TCF3: variants seen among roughly 807,000 people sequenced by gnomAD.
TCF3 encodes the protein transcription factor 3.
Under a neutral mutation model 72.3 loss-of-function variants are expected in TCF3, and 54 were observed. That is an observed-to-expected ratio of 0.75 (90% confidence interval 0.60 to 0.94). The LOEUF (loss-of-function observed/expected upper bound fraction) is 0.94. Among genes scored for constraint, TCF3 ranks in the 40% least tolerant of loss-of-function variants. The pLI, the probability that TCF3 is intolerant of heterozygous loss-of-function variation, is 0.00. For synonymous variants in TCF3, 525 were observed against 412.6 expected (o/e 1.27, Z -3.30); for missense variants, 1,078 against 934.4 (o/e 1.15, Z -2.00).
intron 3 of TCF3, among the ~76,000 whole-genome samples, chr19:1,643,223 G>A (rs1237418898): frequency 6.6e-6 from 1 of 151,978 alleles, no homozygotes; most frequent in East Asian, 1.9e-4. Context: ...TGCCTTTTTT[G>A]TTTCGTTTCT....
chr19:1,634,074 A>C (rs2145026902), intron 3 of TCF3, among the ~76,000 whole-genome samples: 1 of 152,302 alleles, frequency 6.6e-6, no homozygotes, highest in Non-Finnish European at 1.5e-5. Context: ...ATCGCCCCCG[A>C]AGTTCACTCC....
At chr19:1,613,849 T>C (rs551814522) in intron 18 of TCF3, among the ~76,000 whole-genome samples, 3 of 152,214 alleles carry the variant, frequency 2.0e-5, no homozygotes, top group Non-Finnish European at 2.9e-5. Flanking sequence ...AGGAACCCCA[T>C]TGTCACTGCC....
At chr19:1,629,800 T>A (rs889768182) in intron 5 of TCF3, among the ~76,000 whole-genome samples, 1 of 152,142 alleles carries the variant, frequency 6.6e-6, no homozygotes, top group Admixed American at 6.5e-5. Flanking sequence ...ATTTCCCGAT[T>A]TTTGAATTTT....
At chr19:1,624,168 C>G (rs1702252193) in intron 7 of TCF3, among the ~76,000 whole-genome samples, 168 bp from the exon 8 acceptor site, 1 of 152,202 alleles carries the variant, frequency 6.6e-6, no homozygotes, top group Admixed American at 6.5e-5. Context: ...GAGGCCAAGG[C>G]AGGCAGATCA....
chr19:1,618,794 G>A (rs1363041732), intron 16 of TCF3, among the ~76,000 whole-genome samples: 1 of 152,176 alleles, frequency 6.6e-6, no homozygotes, highest in African/African-American at 2.4e-5. Flanking sequence ...CGAGCTCCTG[G>A]TCTGTCTCCC....
At position 1,611,614 on chromosome 19, in the gene TCF3, T is replaced by C. The variant is rs921354157; in HGVS notation, c.*93A>G. The C allele has an allele frequency of 1.3e-6, 2 of 1,495,074 alleles. No individual in the cohort carries two copies. Among genetic ancestry groups the C allele is most frequent in the Non-Finnish European group, 1.8e-6 (2 of 1,109,946 alleles). 92.6% of individuals were successfully genotyped at this position (1,495,074 alleles called of 1,614,324 possible). A position where few individuals can be genotyped will look rare whatever the true frequency, so the allele number is the denominator to read the frequency against. Reference sequence around the variant, plus strand: ...ATGCTGACAACAGGTGTGTGAGGTGTGGATGTGGATGAAGCCCGGGGTCTC... The same window carrying C: ...ATGCTGACAACAGGTGTGTGAGGTGCGGATGTGGATGAAGCCCGGGGTCTC... On this transcript the variant is annotated 3_prime_UTR_variant, in exon 19 of 19. Coordinates refer to ENST00000262965, the MANE Select transcript of TCF3 (RefSeq NM_003200.5).
At chr19:1,618,406 C>A (rs973181452) in intron 16 of TCF3, among the ~76,000 whole-genome samples, 3 of 152,240 alleles carry the variant, frequency 2.0e-5, no homozygotes, top group South Asian at 2.1e-4. Flanking sequence ...TGGGTCAGGT[C>A]CCATCCCTCC....
At chr19:1,634,109 C>A (rs768270586) in intron 3 of TCF3, among the ~76,000 whole-genome samples, 1 of 152,234 alleles carries the variant, frequency 6.6e-6, no homozygotes, top group Non-Finnish European at 1.5e-5. Flanking sequence ...AGAGGCACTG[C>A]GGCCTCAATC....
chr19:1,632,195 C>G, intron 4 of TCF3, 79 bp from the exon 5 acceptor site: 1 of 1,562,068 alleles, frequency 6.4e-7, no homozygotes, highest in Non-Finnish European at 8.7e-7. Flanking sequence ...GCTGGAGAGG[C>G]AGGACTCAAA....
chr19:1,646,414 G>A lies in TCF3; in HGVS notation c.86C>T (p.Pro29Leu). 3 of 1,550,250 alleles carry A rather than the reference G, an allele frequency of 1.9e-6. No homozygotes were observed. Among genetic ancestry groups the A allele is most frequent in the Non-Finnish European group, 2.6e-6 (3 of 1,146,720 alleles). ...LLDFSMMFPL[P>L]VTNGKGRPAS... ...GGGCCGGCCCTTCCCGTTGGTGACA[G>A]GCAGCGGGAACATCTGCAGGGAGGG... The change falls in exon 3 of 19, where the codon CCT becomes CTT. Residue 29 changes from proline (P) to leucine (L), a missense_variant. Transcript: ENST00000262965.
At chr19:1,644,352 A>AC (rs2065761979) in intron 3 of TCF3, among the ~76,000 whole-genome samples, 1 of 151,330 alleles carries the variant, frequency 6.6e-6, no homozygotes, top group African/African-American at 2.4e-5. Flanking sequence ...ATCCTCCACC[A>AC]CCCCCGGGCT....
At chr19:1,651,264 C>A (rs1349705762) in intron 1 of TCF3, 2 of 226,862 alleles carry the variant, frequency 8.8e-6, no homozygotes, top group Admixed American at 5.7e-5. Flanking sequence ...GGGACGGGGG[C>A]AGCCCGGGAG....
chr19:1,619,740 C>A (rs1159334612), intron 14 of TCF3, 40 bp downstream of exon 14: 25 of 796,258 alleles, frequency 3.1e-5, no homozygotes, highest in Admixed American at 2.3e-4. Context: ...CCTGCAAATT[C>A]TGTCGGGGAA....
chr19:1,633,449 GC>G (rs1352736895), intron 3 of TCF3, among the ~76,000 whole-genome samples: 1 of 152,022 alleles, frequency 6.6e-6, no homozygotes, highest in Non-Finnish European at 1.5e-5. Context: ...TGTTCTGCAG[GC>G]TCCCCCGCCC....
At chr19:1,650,814 A>C in intron 1 of TCF3, 1 of 231,330 alleles carries the variant, frequency 4.3e-6, no homozygotes, top group Non-Finnish European at 8.5e-6. Context: ...AAGGAAATCC[A>C]CAAGTCAGAA....
chr19:1,649,266 G>A (rs1418213518), intron 2 of TCF3, among the ~76,000 whole-genome samples: 2 of 152,180 alleles, frequency 1.3e-5, no homozygotes, highest in African/African-American at 4.8e-5. Context: ...TCGGCTTCTG[G>A]CAGCTTAACT....
At chr19:1,630,834 C>T (rs943252817) in intron 5 of TCF3, among the ~76,000 whole-genome samples, 4 of 152,216 alleles carry the variant, frequency 2.6e-5, no homozygotes, top group Admixed American at 1.3e-4. Flanking sequence ...CCTGAGCCCC[C>T]GAACCCTGGG....
intron 18 of TCF3, among the ~76,000 whole-genome samples, chr19:1,612,826 C>T (rs1036569012): frequency 6.8e-6 from 1 of 146,870 alleles, no homozygotes; most frequent in African/African-American, 2.5e-5. Flanking sequence ...CAGCTGGTGT[C>T]AGGCACTGCA....
intron 16 of TCF3, 107 bp downstream of exon 16, chr19:1,619,004 C>A: frequency 1.3e-6 from 2 of 1,544,646 alleles, no homozygotes; most frequent in Non-Finnish European, 1.7e-6. Context: ...CCAGGTGCCC[C>A]CACGGTGACA....
Sources: allele counts gnomAD v4.1 joint callset (sites outside exome capture counted in the v4.1 genomes callset), GRCh38; gene constraint gnomAD v4.1.1; transcripts MANE v1.5; gene names NCBI Gene and HGNC (gene_info 2026-07-23, HGNC 2026-07-21).